The following HMBOX1 variants were observed in gnomAD, a reference collection of about 807,000 sequenced individuals.
The protein encoded by HMBOX1 is homeobox containing 1.
In HMBOX1, 14 loss-of-function variants were observed where a neutral mutation model predicts 54.5. The ratio of observed to expected loss-of-function variants is 0.26; its 90% CI spans 0.17 to 0.40. The LOEUF (loss-of-function observed/expected upper bound fraction) is 0.40, where lower values mean the gene tolerates loss of function less well. Ranked by LOEUF, HMBOX1 falls within the 10% of genes least tolerant of loss-of-function variation. The pLI, the probability that HMBOX1 is intolerant of heterozygous loss-of-function variation, is 1.00. For missense variants in HMBOX1, 332 were observed against 514.4 expected (o/e 0.65, Z 3.43); for synonymous variants, 160 against 181.0 (o/e 0.88, Z 0.93).
intron 1 of HMBOX1, among the ~76,000 whole-genome samples, chr8:28,947,067 C>G (rs916399176): frequency 6.6e-6 from 1 of 152,260 alleles, no homozygotes; most frequent in South Asian, 2.1e-4. Flanking sequence ...TGATGCTTAT[C>G]TGTAGCCCAG....
intron 4 of HMBOX1, among the ~76,000 whole-genome samples, chr8:28,981,178 A>G (rs1829274133): frequency 6.6e-6 from 1 of 152,120 alleles, no homozygotes; most frequent in Non-Finnish European, 1.5e-5. Context: ...GAAGTCTTAT[A>G]TTTCATCCCA....
chr8:28,982,810 G>C (rs1349256761), intron 4 of HMBOX1, among the ~76,000 whole-genome samples: 2 of 152,120 alleles, frequency 1.3e-5, no homozygotes, highest in Non-Finnish European at 2.9e-5. Flanking sequence ...GTTTGTGGTA[G>C]GCGGGGTTTC....
At chr8:28,938,448 G>C (rs1820761415) in intron 1 of HMBOX1, among the ~76,000 whole-genome samples, 1 of 151,948 alleles carries the variant, frequency 6.6e-6, no homozygotes, top group Non-Finnish European at 1.5e-5. Flanking sequence ...GTTATTTTTA[G>C]TTTTTTAAGA....
At chr8:28,909,896 A>T (rs1211765129) in intron 1 of HMBOX1, among the ~76,000 whole-genome samples, 1 of 151,708 alleles carries the variant, frequency 6.6e-6, no homozygotes, top group East Asian at 1.9e-4. Flanking sequence ...TGGGTCTTTC[A>T]TCACCCAGGC....
intron 1 of HMBOX1, among the ~76,000 whole-genome samples, chr8:28,900,265 A>ATATATATATAT (rs1311095400): frequency 5.5e-4 from 22 of 39,802 alleles, no homozygotes; most frequent in Non-Finnish European, 9.8e-4. Context: ...AAAAAAAAAA[A>ATATATATATAT]AAAAAAATAT....
chr8:28,997,764 T>C (rs1246460721), intron 4 of HMBOX1, among the ~76,000 whole-genome samples: 2 of 152,152 alleles, frequency 1.3e-5, no homozygotes, highest in Non-Finnish European at 2.9e-5. Flanking sequence ...TTGCCCAGGC[T>C]GGTCTTGAAC....
chr8:28,890,232 A>C, upstream of HMBOX1: 2 of 202,474 alleles, frequency 9.9e-6, no homozygotes, highest in Non-Finnish European at 2.0e-5. Flanking sequence ...GACGGCTCCG[A>C]CTCCCCTTTC....
chr8:29,020,099 G>GA (rs1184987035), intron 6 of HMBOX1, among the ~76,000 whole-genome samples: 4 of 152,162 alleles, frequency 2.6e-5, no homozygotes, highest in Non-Finnish European at 4.4e-5. Flanking sequence ...TATTGTCCTG[G>GA]AGACCTGACA....
At chr8:28,939,600 C>G (rs533077414) in intron 1 of HMBOX1, among the ~76,000 whole-genome samples, 55 of 152,016 alleles carry the variant, frequency 3.6e-4, no homozygotes, top group African/African-American at 9.4e-4. Flanking sequence ...CTCCGCCCCC[C>G]CTGGGTTCAA....
chr8:28,891,727 T>C (rs925102133), intron 1 of HMBOX1: 2 of 152,224 alleles, frequency 1.3e-5, no homozygotes, highest in Non-Finnish European at 2.9e-5. Context: ...TTTCTTCTAC[T>C]CCACCCTGTT....
intron 1 of HMBOX1, among the ~76,000 whole-genome samples, chr8:28,904,877 G>A (rs994741211): frequency 1.3e-5 from 2 of 151,660 alleles, no homozygotes; most frequent in Admixed American, 6.6e-5. Flanking sequence ...GGGTTTCATC[G>A]TGTTAGCCAC....
intron 5 of HMBOX1, chr8:29,009,802 T>A: frequency 7.9e-7 from 1 of 1,264,358 alleles, no homozygotes; most frequent in Non-Finnish European, 1.0e-6. Flanking sequence ...GTAGGCAAGA[T>A]CTATTCAAGA....
At chr8:28,945,002 G>C (rs1822163618) in intron 1 of HMBOX1, among the ~76,000 whole-genome samples, 1 of 152,096 alleles carries the variant, frequency 6.6e-6, no homozygotes, top group Admixed American at 6.6e-5. Flanking sequence ...TCTCATCATA[G>C]TTTGATTCTG....
intron 1 of HMBOX1, among the ~76,000 whole-genome samples, chr8:28,935,649 C>T (rs1312803509): frequency 6.6e-6 from 1 of 151,612 alleles, no homozygotes; most frequent in Admixed American, 6.6e-5. Context: ...TAGAGAGAAA[C>T]CAAAAAACAT....
chr8:29,009,419 T>G lies in HMBOX1; in HGVS notation c.697+237T>G, dbSNP rs150918947. On this transcript the variant is annotated intron_variant, in intron 5 of 9. Transcript: ENST00000287701. ...CTTCCCCTAAGACACCTCTTTGCTT[T>G]CAGGTTATATGATATTTCTAGCCAT... 1.0e-4 allele frequency: 98 copies of G among 977,012 alleles called. 3 individuals are homozygous for G. In the African/African-American group the frequency reaches 1.6e-3, roughly 16 times the overall value. The allele number at this position is 977,012 out of a possible 1,614,324, so 60.5% of individuals were successfully genotyped here.
chr8:28,954,548 T>G (rs1347686503), intron 1 of HMBOX1, among the ~76,000 whole-genome samples: 2 of 152,228 alleles, frequency 1.3e-5, no homozygotes, highest in Non-Finnish European at 2.9e-5. Context: ...GAAACAGATC[T>G]ATGCCAAGCT....
At chr8:28,929,944 G>A (rs1019420571) in intron 1 of HMBOX1, among the ~76,000 whole-genome samples, 5 of 29,748 alleles carry the variant, frequency 1.7e-4, no homozygotes, top group South Asian at 8.8e-4. Flanking sequence ...CCCGCCCCCC[G>A]CCCCGCCAAT....
intron 1 of HMBOX1, among the ~76,000 whole-genome samples, chr8:28,894,782 T>C (rs1335605601): frequency 6.6e-6 from 1 of 152,212 alleles, no homozygotes; most frequent in Non-Finnish European, 1.5e-5. Flanking sequence ...TTGGACACTT[T>C]CCAAGAGCAT....
rs779348418 is a variant in HMBOX1 at position 28,970,059 on chromosome 8, T to A, written c.40T>A (p.Ser14Thr). 1 of 1,605,512 alleles carries A rather than the reference T, an allele frequency of 6.2e-7. No individual in the cohort carries two copies. The highest frequency in any genetic ancestry group is 8.5e-7 in the Non-Finnish European group (1 of 1,174,268). Residue 14 changes from serine (S) to threonine (T), a missense_variant, in exon 3 of 10, where the codon TCT (serine) becomes ACT (threonine). By Grantham distance (58) the Ser-to-Thr change is moderately conservative. Around this residue, in one of 4 missense-constraint regions of HMBOX1, gnomAD observed 146 missense variants for 173.3 expected, o/e 0.84. Coordinates refer to ENST00000287701, the MANE Select transcript of HMBOX1 (RefSeq NM_001135726.3). The surrounding 1 kb of genome is among the most constrained non-coding windows in gnomAD (Gnocchi z 4.3). Reference protein sequence around the residue: ...SFPVVLLETMSHYTDEPRFTI... With the variant: ...SFPVVLLETMTHYTDEPRFTI... ...TTTTTTTAGTTTGCTGGAAACCATG[T>A]CTCATTATACAGATGAACCCAGATT...
Sources: allele counts gnomAD v4.1 joint callset (sites outside exome capture counted in the v4.1 genomes callset), GRCh38; gene constraint gnomAD v4.1.1; regional missense constraint gnomAD v4.1.1; non-coding constraint Gnocchi (gnomAD v3.1); transcripts MANE v1.5; gene names NCBI Gene and HGNC (gene_info 2026-07-23, HGNC 2026-07-21).